Variants in MYOM2 observed in about 807,000 individuals in gnomAD.
The protein encoded by MYOM2 is myomesin 2.
Under a neutral mutation model 187.6 loss-of-function variants are expected in MYOM2, and 254 were observed. That is an observed-to-expected ratio of 1.35 (90% CI 1.22 to 1.50). The LOEUF (loss-of-function observed/expected upper bound fraction) is 1.50. Ranked by LOEUF, MYOM2 falls within the 40% of genes most tolerant of loss-of-function variation. The pLI, the probability that MYOM2 is intolerant of heterozygous loss-of-function variation, is 0.00. For synonymous variants in MYOM2, 981 were observed against 753.8 expected, an observed-to-expected ratio of 1.30 and a Z score of -4.94; for missense variants, 2,796 against 1,924.0, an observed-to-expected ratio of 1.45 and a Z score of -8.48.
At chr8:2,121,251 T>C (rs545514457) in intron 28 of MYOM2, among the ~76,000 whole-genome samples, 3 of 152,158 alleles carry the variant, frequency 2.0e-5, no homozygotes, top group Non-Finnish European at 4.4e-5. Context: ...AGCAAGTCAG[T>C]GTGACTTGGT....
chr8:2,136,326 A>G (rs1361342192), intron 32 of MYOM2, among the ~76,000 whole-genome samples: 1 of 151,382 alleles, frequency 6.6e-6, no homozygotes, highest in Non-Finnish European at 1.5e-5. Flanking sequence ...CCCTGATCCC[A>G]GGGTGGCAGC....
chr8:2,136,470 G>C (rs563036441), intron 32 of MYOM2, among the ~76,000 whole-genome samples: 23 of 152,344 alleles, frequency 1.5e-4, no homozygotes, highest in African/African-American at 5.3e-4. Flanking sequence ...CTTCGTCACT[G>C]GCTGAGATTT....
intron 3 of MYOM2, among the ~76,000 whole-genome samples, chr8:2,053,223 C>T (rs996364779): frequency 6.6e-6 from 1 of 151,946 alleles, no homozygotes; most frequent in African/African-American, 2.4e-5. Flanking sequence ...CAATGTATAG[C>T]CAAGAAGGTT....
rs766400629 is a variant in MYOM2 at position 2,079,643 on chromosome 8, C to G, written c.1516+30C>G. Reference sequence around the variant, plus strand: ...GTAGCACCTCATCACCCCAGCTGCTCAGCCCCTGGGGATTTGGAGTTGTAA... The same window carrying G: ...GTAGCACCTCATCACCCCAGCTGCTGAGCCCCTGGGGATTTGGAGTTGTAA... On this transcript the variant is annotated intron_variant, in intron 13 of 36. Transcript: ENST00000262113. 6 of 1,605,922 alleles carry G rather than the reference C, an allele frequency of 3.7e-6. No homozygotes were observed. The South Asian group carries it at 4.4e-5, about 12-fold the overall frequency.
In MYOM2 at chr8:2,096,285, T is replaced by C. The variant is rs768483823; in HGVS notation, c.2164T>C (p.Cys722Arg). Reference sequence around the variant, plus strand: ...TCCTTATGGGATTACGCTCCTCAACTGTGACGGCCACTCCATGACCCTCGG... The same window carrying C: ...TCCTTATGGGATTACGCTCCTCAACCGTGACGGCCACTCCATGACCCTCGG... ...SHPYGITLLN[C>R]DGHSMTLGWK... The change falls in exon 18 of 37, where the codon TGT becomes CGT. Residue 722 changes from cysteine to arginine, a missense_variant. Physicochemically the swap from Cys to Arg is radical, Grantham distance 180. Transcript: ENST00000262113. 18 of 1,614,034 alleles carry C rather than the reference T, an allele frequency of 1.1e-5. No individual in the cohort carries two copies. The African/African-American group carries it at 1.2e-4, about 11-fold the overall frequency.
At chr8:2,144,222 A>G (rs1005211052) in intron 36 of MYOM2, among the ~76,000 whole-genome samples, 1 of 152,318 alleles carries the variant, frequency 6.6e-6, no homozygotes, top group Admixed American at 6.5e-5. Context: ...TCAAGAATGC[A>G]TTTTTTTGCC....
At chr8:2,108,722 T>C in intron 23 of MYOM2, 64 bp from the exon 24 acceptor site, 4 of 1,522,920 alleles carry the variant, frequency 2.6e-6, no homozygotes, top group Non-Finnish European at 3.6e-6. Flanking sequence ...GTCGCCTTGC[T>C]GTTGTCTACA....
rs760711731 is a variant in MYOM2 at position 2,092,457 on chromosome 8, A to T, written c.1940A>T (p.Asp647Val). ...GAGGACCTGCTGGGCTACTACGTGG[A>T]CTGCTGTGTGGCCGGAACCAACCTC... The part of the protein sequence containing the change: ...HEEDLLGYYV[D>V]CCVAGTNLWE... The change falls in exon 16 of 37, where the codon GAC (aspartate) becomes GTC (valine). Residue 647 changes from aspartate (D) to valine (V), a missense_variant. Transcript: ENST00000262113. 3.7e-6 allele frequency: 6 copies of T among 1,614,116 alleles called. No individual in the cohort carries two copies. The highest frequency in any genetic ancestry group is 5.1e-6 in the Non-Finnish European group (6 of 1,180,018).
In MYOM2 at chr8:2,076,150, C is replaced by T. The variant is rs767925985; in HGVS notation, c.1130C>T (p.Pro377Leu). 5.0e-6 allele frequency: 8 copies of T among 1,611,864 alleles called. No homozygotes were observed. Among genetic ancestry groups the T allele is most frequent in the South Asian group, 2.2e-5 (2 of 90,734 alleles). ...CTCTCCCTGCCCCAAGATGCTGACC[C>T]GCTGGTCACAGGGGCCCCCGGTGCA... ...SAFLFVRDAD[P>L]LVTGAPGAPM... Residue 377 changes from proline to leucine, a missense_variant, in exon 11 of 37, where the codon CCG (proline) becomes CTG (leucine). Transcript: ENST00000262113.
At chr8:2,135,500 T>A (rs73657758) in intron 32 of MYOM2, among the ~76,000 whole-genome samples, 19,785 of 152,098 alleles carry the variant, frequency 0.13, 2,179 homozygotes, top group African/African-American at 0.28. Flanking sequence ...CCTTCTCTCC[T>A]CCTCCCTGCT....
chr8:2,123,236 G>A lies in MYOM2; in HGVS notation c.3454-16G>A. 1.3e-6 allele frequency: 2 copies of A among 1,550,986 alleles called. No individual in the cohort carries two copies. The highest frequency in any genetic ancestry group is 1.8e-6 in the Non-Finnish European group (2 of 1,128,006). On this transcript the variant is annotated splice_polypyrimidine_tract_variant and intron_variant, in intron 28 of 36. Transcript: ENST00000262113. The stretch of plus-strand genomic sequence containing the variant: ...AGAATGATTTACACACTAAACTTAA[G>A]CTTTCTACCTCACAGGTTGCAAACA...
intron 14 of MYOM2, among the ~76,000 whole-genome samples, chr8:2,089,503 G>A (rs1796220821): frequency 6.6e-6 from 1 of 151,986 alleles, no homozygotes; most frequent in East Asian, 1.9e-4. Flanking sequence ...AATTTAAATG[G>A]CCATGAGGTT....
At chr8:2,128,315 G>A (rs565306158) in intron 31 of MYOM2, among the ~76,000 whole-genome samples, 2,154 of 152,256 alleles carry the variant, frequency 0.014, 48 homozygotes, top group African/African-American at 0.049. Flanking sequence ...TTCCCAAAAT[G>A]AAAAATTACT....
At chr8:2,084,445 G>A (rs913030957) in intron 13 of MYOM2, among the ~76,000 whole-genome samples, 3 of 152,164 alleles carry the variant, frequency 2.0e-5, no homozygotes, top group African/African-American at 7.2e-5. Flanking sequence ...TCCCGGGGAG[G>A]TTTCAGACCG....
intron 35 of MYOM2, among the ~76,000 whole-genome samples, chr8:2,143,025 G>A (rs1798330695): frequency 6.6e-6 from 1 of 151,908 alleles, no homozygotes; most frequent in Non-Finnish European, 1.5e-5. Context: ...CAAAGTGTTG[G>A]GATTACAGGC....
intron 27 of MYOM2, 44 bp downstream of exon 27, chr8:2,116,319 A>G (rs1423236560): frequency 1.3e-6 from 2 of 1,561,652 alleles, no homozygotes; most frequent in Non-Finnish European, 1.7e-6. Context: ...CCTAGCATAA[A>G]GCAAAGATGA....
chr8:2,113,075 C>T (rs147259407), intron 25 of MYOM2, among the ~76,000 whole-genome samples: 1 of 152,234 alleles, frequency 6.6e-6, no homozygotes, highest in Non-Finnish European at 1.5e-5. Context: ...AGATGCAGAT[C>T]TGCAGAAAAT....
chr8:2,101,937 G>A (rs1274998899), intron 20 of MYOM2: 2 of 152,242 alleles, frequency 1.3e-5, no homozygotes, highest in African/African-American at 4.8e-5. Context: ...TCAGGTGTAA[G>A]GACTGAGCCC....
chr8:2,106,104 T>A, intron 21 of MYOM2, 138 bp from the exon 22 acceptor site: 1 of 823,484 alleles, frequency 1.2e-6, no homozygotes, highest in Non-Finnish European at 1.9e-6. Context: ...ATCACCTCAC[T>A]CCCTCTACAC....
Sources: allele counts gnomAD v4.1 joint callset (sites outside exome capture counted in the v4.1 genomes callset), GRCh38; gene constraint gnomAD v4.1.1; transcripts MANE v1.5; gene names NCBI Gene and HGNC (gene_info 2026-07-23, HGNC 2026-07-21).